Variants in WASF3 observed in about 807,000 individuals in gnomAD.
The protein encoded by WASF3 is WASP family member 3.
In WASF3, 11 loss-of-function variants were observed where a neutral mutation model predicts 46.6. That is an observed-to-expected ratio of 0.24 (90% CI 0.15 to 0.39). WASF3 has a LOEUF of 0.39. Ranked by LOEUF, WASF3 falls within the 10% of genes least tolerant of loss-of-function variation. The pLI is 1.00. For missense variants in WASF3, 576 were observed against 669.8 expected (o/e 0.86, Z 1.55); for synonymous variants, 242 against 259.7 (o/e 0.93, Z 0.65).
intron 6 of WASF3, among the ~76,000 whole-genome samples, chr13:26,675,597 CTTTA>C (rs1416914048): frequency 2.0e-5 from 3 of 148,290 alleles, no homozygotes; most frequent in African/African-American, 7.5e-5. Flanking sequence ...ATAATAGTAC[CTTTA>C]TTTGTGTCCT....
chr13:26,634,182 G>GA (rs1881743985), intron 2 of WASF3, among the ~76,000 whole-genome samples: 1 of 152,216 alleles, frequency 6.6e-6, no homozygotes, highest in Non-Finnish European at 1.5e-5. Context: ...TGTATTGGGT[G>GA]CATATATATT....
chr13:26,590,208 T>C (rs1880249716), intron 1 of WASF3, among the ~76,000 whole-genome samples: 1 of 152,040 alleles, frequency 6.6e-6, no homozygotes, highest in African/African-American at 2.4e-5. Context: ...AATTTTTTAT[T>C]CGTGACCCTC....
intron 1 of WASF3, among the ~76,000 whole-genome samples, chr13:26,592,885 C>T (rs1880346775): frequency 6.6e-6 from 1 of 152,054 alleles, no homozygotes; most frequent in East Asian, 1.9e-4. Context: ...GGATTATTTT[C>T]TAAGGTCATT....
intron 3 of WASF3, among the ~76,000 whole-genome samples, chr13:26,647,326 G>A (rs751120506): frequency 3.9e-5 from 6 of 152,128 alleles, no homozygotes; most frequent in Non-Finnish European, 7.4e-5. Flanking sequence ...AATCAGAGTG[G>A]CTGGGGGAGG....
rs1397806053 is a variant in WASF3 at position 26,688,030 on chromosome 13, T to G, written c.*2185T>G. ...GCCTGTTAATTGTTAGTTGTCTTCC[T>G]GTAGCTGAATCAACAAGTTATTTTC... On this transcript the variant is annotated 3_prime_UTR_variant, in exon 10 of 10. Coordinates refer to ENST00000335327, the MANE Select transcript of WASF3 (RefSeq NM_006646.6). 1 of 152,232 alleles carries G rather than the reference T, an allele frequency of 6.6e-6. No homozygotes were observed. Among genetic ancestry groups the G allele is most frequent in the African/African-American group, 2.4e-5 (1 of 41,460 alleles). The allele number at this position is 152,232 out of a possible 1,614,324, so 9.4% of individuals were successfully genotyped here. A position where few individuals can be genotyped will look rare whatever the true frequency, so the allele number is the denominator to read the frequency against.
chr13:26,543,199 T>A, the WASF3 span, among the ~76,000 whole-genome samples: 1 of 151,790 alleles, frequency 6.6e-6, no homozygotes, highest in African/African-American at 2.4e-5. Flanking sequence ...GATCCTGGAG[T>A]CTTTGTTTAT....
chr13:26,660,920 T>G (rs1326865255), intron 3 of WASF3, among the ~76,000 whole-genome samples: 1 of 151,740 alleles, frequency 6.6e-6, no homozygotes, highest in African/African-American at 2.4e-5. Flanking sequence ...TGAAGGAAGG[T>G]GAAGGGGAGC....
intron 2 of WASF3, among the ~76,000 whole-genome samples, chr13:26,640,042 T>G (rs1177238309): frequency 1.3e-5 from 2 of 151,834 alleles, no homozygotes; most frequent in Non-Finnish European, 2.9e-5. Context: ...AGGTGATAGG[T>G]GTGATAGGTG....
chr13:26,627,214 T>A (rs1425761190), intron 2 of WASF3, among the ~76,000 whole-genome samples: 1 of 152,190 alleles, frequency 6.6e-6, no homozygotes, highest in Admixed American at 6.6e-5. Context: ...TAGTATCTTA[T>A]TTTGGTAATA....
chr13:26,576,786 GA>G (rs1265185325), intron 1 of WASF3: 1 of 351,696 alleles, frequency 2.8e-6, no homozygotes, highest in Non-Finnish European at 5.1e-6. Flanking sequence ...ATAGTTCACA[GA>G]GGTTCTATGT....
chr13:26,580,450 C>G (rs1398017456), intron 1 of WASF3, among the ~76,000 whole-genome samples: 1 of 152,114 alleles, frequency 6.6e-6, no homozygotes, highest in Admixed American at 6.5e-5. Flanking sequence ...TAAAACTCGA[C>G]AAGCATTAGA....
At chr13:26,598,263 T>C (rs1005764252) in intron 1 of WASF3, among the ~76,000 whole-genome samples, 1 of 152,246 alleles carries the variant, frequency 6.6e-6, no homozygotes, top group African/African-American at 2.4e-5. Context: ...ATAAATGTCT[T>C]CTTTTGAGAA....
chr13:26,560,103 G>A (rs2137135702), intron 1 of WASF3, among the ~76,000 whole-genome samples: 1 of 152,120 alleles, frequency 6.6e-6, no homozygotes, highest in African/African-American at 2.4e-5. Flanking sequence ...ACAGGCGTGA[G>A]CCACCGCTCC....
At chr13:26,596,280 T>C (rs1218718703) in intron 1 of WASF3, among the ~76,000 whole-genome samples, 1 of 152,032 alleles carries the variant, frequency 6.6e-6, no homozygotes, top group African/African-American at 2.4e-5. Context: ...CTGTATATCC[T>C]CTTTGGTGAA....
rs1269927215 is a variant in WASF3 at position 26,685,717 on chromosome 13, C to T, written c.1381C>T (p.Arg461Trp). The T allele has an allele frequency of 8.7e-6, 14 of 1,612,662 alleles. No homozygotes were observed. The highest frequency in any genetic ancestry group is 1.7e-5 in the Admixed American group (1 of 59,964). Reference sequence around the variant, plus strand: ...TCAACTGAAAAAGGTGCAGGAGCAGCGGGAGCAGGAGGCCAAGCGGGAGCC... The same window carrying T: ...TCAACTGAAAAAGGTGCAGGAGCAGTGGGAGCAGGAGGCCAAGCGGGAGCC... ...GIQLKKVQEQ[R>W]EQEAKREPVG... is the part of the protein sequence containing the mutation. The change falls in exon 10 of 10, where the codon CGG becomes TGG. Residue 461 changes from arginine (R) to tryptophan (W), a missense_variant. Arg to Trp is a moderately radical substitution (Grantham distance 101, BLOSUM62 -3). Around this residue, in one of 3 missense-constraint regions of WASF3, gnomAD observed 68 missense variants for 100.3 expected, o/e 0.68. Transcript: ENST00000335327.
chr13:26,605,440 A>T (rs1260180347), intron 1 of WASF3, among the ~76,000 whole-genome samples: 1 of 152,238 alleles, frequency 6.6e-6, no homozygotes, highest in Non-Finnish European at 1.5e-5. Context: ...ACTCAGGGTC[A>T]CTAAATACGG....
Position 26,685,830 on chromosome 13 carries a change from C to T in WASF3, c.1494C>T (p.Asn498=), listed in dbSNP as rs376926818. The T allele has an allele frequency of 2.7e-5, 43 of 1,612,974 alleles. No individual in the cohort carries two copies. The highest frequency in any genetic ancestry group is 2.5e-4 in the African/African-American group (19 of 75,022). ...DSDDDSEFDE[N]DWSD is the part of the protein sequence containing the mutation. ...ACGACGACTCAGAGTTCGACGAGAA[C>T]GACTGGTCCGACTGAGCAAAGGCCG... The change falls in exon 10 of 10, where the codon AAC becomes AAT. Residue 498 remains asparagine (N), a synonymous_variant. Coordinates refer to ENST00000335327, the MANE Select transcript of WASF3 (RefSeq NM_006646.6).
At chr13:26,671,609 T>C (rs1882926198) in intron 5 of WASF3, among the ~76,000 whole-genome samples, 1 of 152,198 alleles carries the variant, frequency 6.6e-6, no homozygotes, top group South Asian at 2.1e-4. Flanking sequence ...TGTGATTTTT[T>C]TTTTCTGAGC....
Position 26,571,105 on chromosome 13 carries a change from T to G in WASF3, c.-109+13286T>G, listed in dbSNP as rs184172030. On this transcript the variant is annotated intron_variant, in intron 1 of 9. Coordinates refer to ENST00000335327, the MANE Select transcript of WASF3 (RefSeq NM_006646.6). The stretch of plus-strand genomic sequence containing the variant: ...TTTTTATATTATTTTGAGAATTGTC[T>G]ATTGCCCTTTTTTCTATAGAATTTT... Among the ~76,000 whole-genome samples, 143 of 152,242 alleles carry G rather than the reference T, an allele frequency of 9.4e-4. 1 individual carries two copies. Among genetic ancestry groups the G allele is most frequent in the African/African-American group, 3.3e-3 (139 of 41,530 alleles).
Sources: allele counts gnomAD v4.1 joint callset (sites outside exome capture counted in the v4.1 genomes callset), GRCh38; gene constraint gnomAD v4.1.1; regional missense constraint gnomAD v4.1.1; transcripts MANE v1.5; gene names NCBI Gene and HGNC (gene_info 2026-07-23, HGNC 2026-07-21).